AKR1C8: variants seen among roughly 807,000 people sequenced by gnomAD.
The protein encoded by AKR1C8 is aldo-keto reductase family 1 member C8.
At chr10:5,165,825 A>G in the AKR1C8 span, among the ~76,000 whole-genome samples, 7 of 152,122 alleles carry the variant, frequency 4.6e-5, no homozygotes, top group Non-Finnish European at 7.4e-5. Flanking sequence ...TCTCCCAGAC[A>G]CCTAGGGTAA....
At chr10:5,162,421 T>A in the AKR1C8 span, among the ~76,000 whole-genome samples, 1 of 152,230 alleles carries the variant, frequency 6.6e-6, no homozygotes, top group Non-Finnish European at 1.5e-5. Flanking sequence ...TCTGTTTACA[T>A]ATGAAGCATG....
chr10:5,162,413 T>C, the AKR1C8 span, among the ~76,000 whole-genome samples: 1 of 152,206 alleles, frequency 6.6e-6, no homozygotes, highest in Non-Finnish European at 1.5e-5. Context: ...ACCTCAGCTC[T>C]GTTTACATAT....
chr10:5,152,477 C>A, the AKR1C8 span, among the ~76,000 whole-genome samples: 1 of 152,170 alleles, frequency 6.6e-6, no homozygotes, highest in African/African-American at 2.4e-5. Context: ...TTTACTGGAA[C>A]ACCAGGATCA....
chr10:5,132,489 A>C, the AKR1C8 span: 1 of 1,025,444 alleles, frequency 9.8e-7, no homozygotes, highest in Non-Finnish European at 1.3e-6. Context: ...ATGTGTCAAT[A>C]AATTGGAACC....
the AKR1C8 span, among the ~76,000 whole-genome samples, chr10:5,180,420 TA>T: frequency 2.1e-4 from 32 of 152,328 alleles, no homozygotes; most frequent in Admixed American, 1.6e-3. Flanking sequence ...GCTCGGGGGT[TA>T]GGGGTCAGGG....
the AKR1C8 span, among the ~76,000 whole-genome samples, chr10:5,137,081 AT>A: frequency 6.6e-6 from 1 of 152,202 alleles, no homozygotes; most frequent in South Asian, 2.1e-4. Context: ...CAATATACAT[AT>A]CTTAATTTAA....
the AKR1C8 span, among the ~76,000 whole-genome samples, chr10:5,167,193 A>C: frequency 4.7e-4 from 72 of 152,322 alleles, no homozygotes; most frequent in African/African-American, 1.6e-3. Context: ...GTGGGTCTGT[A>C]AACTAGTTCA....
chr10:5,166,268 A>C, the AKR1C8 span, among the ~76,000 whole-genome samples: 2 of 152,156 alleles, frequency 1.3e-5, no homozygotes, highest in East Asian at 1.9e-4. Context: ...GACTTTCTTC[A>C]CAGAATTGGA....
the AKR1C8 span, among the ~76,000 whole-genome samples, chr10:5,183,969 T>C: frequency 0.29 from 44,817 of 152,096 alleles, 7,259 homozygotes; most frequent in Non-Finnish European, 0.36. Context: ...TTTTCTTTTG[T>C]GGGCATGTAT....
chr10:5,121,337 G>A, the AKR1C8 span, among the ~76,000 whole-genome samples: 49 of 152,116 alleles, frequency 3.2e-4, no homozygotes, highest in Non-Finnish European at 1.2e-4. Context: ...GTCTTGCCCT[G>A]AGGATCCAGA....
the AKR1C8 span, among the ~76,000 whole-genome samples, chr10:5,180,941 A>C: frequency 6.6e-6 from 1 of 152,196 alleles, no homozygotes; most frequent in African/African-American, 2.4e-5. Flanking sequence ...GCACTTCCCG[A>C]GTGAGGCAAT....
At chr10:5,161,136 AG>A in the AKR1C8 span, among the ~76,000 whole-genome samples, 22 of 152,274 alleles carry the variant, frequency 1.4e-4, no homozygotes, top group African/African-American at 5.3e-4. Flanking sequence ...GTGTGTGCAA[AG>A]ACATGAGTGG....
chr10:5,159,087 G>A, the AKR1C8 span, among the ~76,000 whole-genome samples: 1 of 152,156 alleles, frequency 6.6e-6, no homozygotes, highest in Non-Finnish European at 1.5e-5. Flanking sequence ...GAGAAGATAA[G>A]AATGACAATG....
the AKR1C8 span, among the ~76,000 whole-genome samples, chr10:5,164,999 C>T: frequency 1.3e-5 from 2 of 152,064 alleles, no homozygotes; most frequent in Non-Finnish European, 2.9e-5. Flanking sequence ...TAAACTCAGC[C>T]AGTGTTGTAG....
At chr10:5,147,365 C>T in the AKR1C8 span, among the ~76,000 whole-genome samples, 1 of 152,206 alleles carries the variant, frequency 6.6e-6, no homozygotes, top group East Asian at 1.9e-4. Flanking sequence ...GCATTCTTCC[C>T]CTGGCCCAGC....
the AKR1C8 span, among the ~76,000 whole-genome samples, chr10:5,176,117 C>T: frequency 3.3e-5 from 5 of 151,836 alleles, no homozygotes; most frequent in East Asian, 1.9e-4. Flanking sequence ...TTAAGTCTAA[C>T]GTTTAAGTCT....
the AKR1C8 span, among the ~76,000 whole-genome samples, chr10:5,182,401 G>A: frequency 1.3e-5 from 2 of 151,964 alleles, no homozygotes; most frequent in African/African-American, 4.8e-5. Flanking sequence ...TCCCAAACAG[G>A]GTTCCTAACC....
the AKR1C8 span, among the ~76,000 whole-genome samples, chr10:5,132,255 G>A: frequency 8.5e-5 from 13 of 152,054 alleles, no homozygotes; most frequent in African/African-American, 2.4e-4. Context: ...TGATGGGCTC[G>A]CTTAAATCTC....
At chr10:5,143,452 CCT>C in the AKR1C8 span, among the ~76,000 whole-genome samples, 2 of 152,076 alleles carry the variant, frequency 1.3e-5, no homozygotes, top group Non-Finnish European at 2.9e-5. Context: ...TGATGACTCC[CCT>C]GATTTCAGGC....
Sources: allele counts gnomAD v4.1 joint callset (sites outside exome capture counted in the v4.1 genomes callset), GRCh38; gene constraint gnomAD v4.1.1; transcripts MANE v1.5; gene names NCBI Gene and HGNC (gene_info 2026-07-23, HGNC 2026-07-21).